The following DNMT3A variants were observed in gnomAD, a reference collection of about 807,000 sequenced individuals.
The protein encoded by DNMT3A is DNA methyltransferase 3 alpha.
DNMT3A carries 267 observed loss-of-function variants against 117.6 expected under a neutral mutation model. That is an observed-to-expected ratio of 2.27 (90% confidence interval 2.05 to 2.51). The LOEUF is 2.51. Among genes scored for constraint, DNMT3A ranks in the 30% most tolerant of loss-of-function variants. The pLI, the probability that DNMT3A is intolerant of heterozygous loss-of-function variation, is 0.00. For synonymous variants in DNMT3A, 432 were observed against 474.8 expected, an observed-to-expected ratio of 0.91 and a Z score of 1.17; for missense variants, 1,029 against 1,260.2, an observed-to-expected ratio of 0.82 and a Z score of 2.78.
intron 1 of DNMT3A, among the ~76,000 whole-genome samples, chr2:25,326,308 T>C (rs1293035588): frequency 1.3e-5 from 2 of 152,080 alleles, no homozygotes; most frequent in Non-Finnish European, 1.5e-5. Context: ...TAGCCAGGGA[T>C]TGGTAGAATG....
In DNMT3A at chr2:25,282,072, C is replaced by A; in HGVS notation, c.448+369G>T. 1 of 1,146,510 alleles carries A rather than the reference C, an allele frequency of 8.7e-7. No individual in the cohort carries two copies. The highest frequency in any genetic ancestry group is 1.1e-6 in the Non-Finnish European group (1 of 917,142). The allele number at this position is 1,146,510 out of a possible 1,614,324, so 71.0% of individuals were successfully genotyped here. A position where few individuals can be genotyped will look rare whatever the true frequency, so the allele number is the denominator to read the frequency against. ...GCAGAAAACTAAGGCCCACAACCAGCCACAGAAGGCGATGGAGGGACCGCC... is the reference window on the plus strand; with the variant it reads ...GCAGAAAACTAAGGCCCACAACCAGACACAGAAGGCGATGGAGGGACCGCC... On this transcript the variant is annotated intron_variant, in intron 4 of 22. Coordinates refer to ENST00000321117, the MANE Select transcript of DNMT3A (RefSeq NM_022552.5). The surrounding 1 kb of genome is among the most constrained non-coding windows in gnomAD (Gnocchi z 5.2).
rs1317323129 is a variant in DNMT3A, at chr2:25,275,043, G to A, written c.537C>T (p.Ser179=). The change falls in exon 6 of 23, where the codon AGC becomes AGT. Residue 179 remains serine, a synonymous_variant. Coordinates refer to ENST00000321117, the MANE Select transcript of DNMT3A (RefSeq NM_022552.5). Reference sequence around the variant, plus strand: ...GCCTCGGCATGGGCCGCTGACGGAGGCTGGACTCCCAGCCCAAGCCACCCC... The same window carrying A: ...GCCTCGGCATGGGCCGCTGACGGAGACTGGACTCCCAGCCCAAGCCACCCC... ...RLRGGLGWES[S]LRQRPMPRLT... is the part of the protein sequence containing the mutation. The A allele has an allele frequency of 1.9e-6, 3 of 1,605,474 alleles. No individual in the cohort carries two copies. The highest frequency in any genetic ancestry group is 2.6e-6 in the Non-Finnish European group (3 of 1,176,472).
intron 1 of DNMT3A, among the ~76,000 whole-genome samples, chr2:25,338,975 G>C (rs1418268896): frequency 6.6e-6 from 1 of 152,094 alleles, no homozygotes; most frequent in African/African-American, 2.4e-5. Flanking sequence ...CACACGTGCC[G>C]AGGCTTAAAG....
rs1271866702 is a variant in DNMT3A, at chr2:25,231,282, CAGTT to C, written c.*2993_*2996del. 6.6e-6 allele frequency: 1 copy of C among 152,328 alleles called. No homozygotes were observed. Among genetic ancestry groups the C allele is most frequent in the East Asian group, 1.9e-4 (1 of 5,198 alleles). 9.4% of individuals were successfully genotyped at this position (152,328 alleles called of 1,614,324 possible). ...GCAAGGAGGAGCTGGGTGAGCACCA[CAGTT>C]AGCACAGGGACTCCACTGAGGGGGC... On this transcript the variant is annotated 3_prime_UTR_variant, in exon 23 of 23. Coordinates refer to ENST00000321117, the MANE Select transcript of DNMT3A (RefSeq NM_022552.5).
chr2:25,266,696 AG>A (rs2030380225), intron 6 of DNMT3A, among the ~76,000 whole-genome samples: 1 of 152,270 alleles, frequency 6.6e-6, no homozygotes, highest in Admixed American at 6.5e-5. Flanking sequence ...CAATAAACAT[AG>A]GAAAAGATGT....
At chr2:25,260,593 T>C (rs1296369312) in intron 6 of DNMT3A, among the ~76,000 whole-genome samples, 1 of 152,190 alleles carries the variant, frequency 6.6e-6, no homozygotes, top group Non-Finnish European at 1.5e-5. Flanking sequence ...ATAATATTTA[T>C]ACTGCCCACC....
At position 25,254,071 on chromosome 2, in the gene DNMT3A, C is replaced by CAAAAAA. The variant is rs752382240; in HGVS notation, c.640-5825_640-5820dup. Among the ~76,000 whole-genome samples, 1 of 71,110 alleles carries CAAAAAA rather than the reference C, an allele frequency of 1.4e-5. No homozygotes were observed. Among genetic ancestry groups the CAAAAAA allele is most frequent in the African/African-American group, 5.2e-5 (1 of 19,312 alleles). 46.7% of individuals were successfully genotyped at this position (71,110 alleles called of 152,430 possible). On this transcript the variant is annotated intron_variant, in intron 6 of 22. Transcript: ENST00000321117. This position sits in a 1 kb window ranked among gnomAD's most constrained non-coding sequence, Gnocchi z 4.7. ...TGGGCAACAGAGCGAGACTCCGTCT[C>CAAAAAA]AAAAAAAAAAAAAAAAAAGATCTGG...
In DNMT3A at chr2:25,265,675, C is replaced by T. The variant is rs147499926; in HGVS notation, c.639+9266G>A. Among the ~76,000 whole-genome samples, 283 of 152,022 alleles carry T rather than the reference C, an allele frequency of 1.9e-3. 1 individual carries two copies. Among genetic ancestry groups the T allele is most frequent in the African/African-American group, 6.4e-3 (265 of 41,442 alleles). On this transcript the variant is annotated intron_variant, in intron 6 of 22. Coordinates refer to ENST00000321117, the MANE Select transcript of DNMT3A (RefSeq NM_022552.5). ...TCTCCTAAAAATACAAAAAATTAGC[C>T]GGGTGTGGTGGCAGGTGCCTGTAAT...
rs1299593496 is a variant in DNMT3A at position 25,339,450 on chromosome 2, G to A, written c.-178+2376C>T. 3.9e-5 allele frequency among the ~76,000 whole-genome samples: 6 copies of A among 152,226 alleles called. No homozygotes were observed. Among genetic ancestry groups the A allele is most frequent in the African/African-American group, 1.4e-4 (6 of 41,460 alleles). ...CTGGTGCCTGGGTGGGGTAACGAGGGAAGTTTGGTCGGCCTGAATCCGCAG... is the reference window on the plus strand; with the variant it reads ...CTGGTGCCTGGGTGGGGTAACGAGGAAAGTTTGGTCGGCCTGAATCCGCAG... On this transcript the variant is annotated intron_variant, in intron 1 of 22. Coordinates refer to ENST00000321117, the MANE Select transcript of DNMT3A (RefSeq NM_022552.5). This position sits in a 1 kb window ranked among gnomAD's most constrained non-coding sequence, Gnocchi z 4.9.
At chr2:25,235,554 G>C (rs1256474350) in intron 22 of DNMT3A, among the ~76,000 whole-genome samples, 153 bp downstream of exon 22, 1 of 152,108 alleles carries the variant, frequency 6.6e-6, no homozygotes, top group African/African-American at 2.4e-5. Flanking sequence ...GTCCACCCCA[G>C]GAGTCTGCCA....
At chr2:25,335,849 G>A (rs2035196456) in intron 1 of DNMT3A, among the ~76,000 whole-genome samples, 1 of 152,002 alleles carries the variant, frequency 6.6e-6, no homozygotes. Context: ...GTGACCACAG[G>A]AAAGAGAAAA....
At chr2:25,308,557 C>T (rs925991895) in intron 2 of DNMT3A, among the ~76,000 whole-genome samples, 2 of 152,158 alleles carry the variant, frequency 1.3e-5, no homozygotes, top group Non-Finnish European at 2.9e-5. Context: ...GCCCAACCCT[C>T]TCCTAACTCC....
rs1292270826 is a variant in DNMT3A, at chr2:25,304,450, C to G, written c.73-4207G>C. 6.6e-6 allele frequency among the ~76,000 whole-genome samples: 1 copy of G among 152,230 alleles called. No individual in the cohort carries two copies. The highest frequency in any genetic ancestry group is 2.4e-5 in the African/African-American group (1 of 41,454). ...CTCCCACTCCATCCTCCCCATCCCC[C>G]TCTCCCTGCCTCGTGCAAATCCCAG... On this transcript the variant is annotated intron_variant, in intron 2 of 22. Transcript: ENST00000321117. This position sits in a 1 kb window ranked among gnomAD's most constrained non-coding sequence, Gnocchi z 4.3.
In DNMT3A at chr2:25,304,327, A is replaced by G. The variant is rs557099987; in HGVS notation, c.73-4084T>C. ...ATGATATCTACTTCACAGTGATGTTATAAGAATTAAATGAGGTGATGTAGC... is the reference window on the plus strand; with the variant it reads ...ATGATATCTACTTCACAGTGATGTTGTAAGAATTAAATGAGGTGATGTAGC... On this transcript the variant is annotated intron_variant, in intron 2 of 22. Coordinates refer to ENST00000321117, the MANE Select transcript of DNMT3A (RefSeq NM_022552.5). The surrounding 1 kb of genome is among the most constrained non-coding windows in gnomAD (Gnocchi z 4.3). Among the ~76,000 whole-genome samples the G allele has an allele frequency of 3.9e-5, 6 of 152,296 alleles. No homozygotes were observed. The South Asian group carries it at 6.2e-4, about 16-fold the overall frequency.
chr2:25,283,306 G>A (rs906063761), intron 3 of DNMT3A, among the ~76,000 whole-genome samples: 1 of 149,254 alleles, frequency 6.7e-6, no homozygotes, highest in Admixed American at 6.7e-5. Flanking sequence ...AGTTTGCGGT[G>A]AGCCGAGATC....
At chr2:25,307,544 C>T (rs1305775745) in intron 2 of DNMT3A, among the ~76,000 whole-genome samples, 1 of 148,026 alleles carries the variant, frequency 6.8e-6, no homozygotes, top group East Asian at 2.0e-4. Context: ...TGGCTCACTG[C>T]AACCTCCACC....
intron 6 of DNMT3A, among the ~76,000 whole-genome samples, chr2:25,251,204 A>G (rs1675511160): frequency 8.3e-6 from 1 of 120,372 alleles, no homozygotes; most frequent in Admixed American, 8.0e-5. Context: ...GGGAAGGGGC[A>G]GCCGGAGCTG....
Position 25,262,339 on chromosome 2 carries a change from A to G in DNMT3A, c.639+12602T>C, listed in dbSNP as rs116061676. Among the ~76,000 whole-genome samples, 284 of 152,354 alleles carry G rather than the reference A, an allele frequency of 1.9e-3. 1 individual carries two copies. Among genetic ancestry groups the G allele is most frequent in the African/African-American group, 6.7e-3 (278 of 41,588 alleles). On this transcript the variant is annotated intron_variant, in intron 6 of 22. Coordinates refer to ENST00000321117, the MANE Select transcript of DNMT3A (RefSeq NM_022552.5). The stretch of plus-strand genomic sequence containing the variant: ...GGTAGACAGAGAATTCTTAGAGATA[A>G]CACACACAAACACTAACCAATAAAG...
rs1265934428 is a variant in DNMT3A at position 25,298,810 on chromosome 2, ATTAC to A, written c.177+1325_177+1328del. Among the ~76,000 whole-genome samples, 1 of 152,152 alleles carries A rather than the reference ATTAC, an allele frequency of 6.6e-6. No homozygotes were observed. Among genetic ancestry groups the A allele is most frequent in the African/African-American group, 2.4e-5 (1 of 41,406 alleles). On this transcript the variant is annotated intron_variant, in intron 3 of 22. Coordinates refer to ENST00000321117, the MANE Select transcript of DNMT3A (RefSeq NM_022552.5). The surrounding 1 kb of genome is among the most constrained non-coding windows in gnomAD (Gnocchi z 4.3). ...TTGCTTTAATATTAAAAGGTTTAAA[ATTAC>A]TTACCAGTAAAATGACTTCACTCCG...
Sources: gnomAD v4.1 joint callset for allele counts (sites outside exome capture counted in the v4.1 genomes callset) on GRCh38, gnomAD v4.1.1 for gene constraint, Gnocchi (gnomAD v3.1) non-coding constraint, MANE v1.5 for transcripts, NCBI Gene and HGNC (gene_info 2026-07-23, HGNC 2026-07-21) for gene names.